Variants in ALK observed in about 807,000 individuals in gnomAD.
ALK encodes the protein ALK receptor tyrosine kinase.
Under a neutral mutation model 163.1 loss-of-function variants are expected in ALK, and 74 were observed. The observed-to-expected ratio is 0.45, with a 90% CI of 0.38 to 0.55. The LOEUF (loss-of-function observed/expected upper bound fraction) is 0.55. ALK is among the 20% of genes least tolerant of loss of function. The pLI, the probability that ALK is intolerant of heterozygous loss-of-function variation, is 0.00. For missense variants in ALK, 2,063 were observed against 2,105.3 expected (o/e 0.98, Z 0.39); for synonymous variants, 960 against 843.2 (o/e 1.14, Z -2.40).
At position 29,312,721 on chromosome 2, in the gene ALK, C is replaced by A. The variant is rs368548781; in HGVS notation, c.1647+5583G>T. Reference sequence around the variant, plus strand: ...ATCATATGCTAGCTTGGGGTCCTGACCGTGGTCTCCAATGCAGGAAGAGGC... The same window carrying A: ...ATCATATGCTAGCTTGGGGTCCTGAACGTGGTCTCCAATGCAGGAAGAGGC... On this transcript the variant is annotated intron_variant, in intron 8 of 28. Transcript: ENST00000389048. Among the ~76,000 whole-genome samples, 4 of 152,284 alleles carry A rather than the reference C, an allele frequency of 2.6e-5. No homozygotes were observed. The East Asian group carries it at 7.7e-4, about 29-fold the overall frequency.
chr2:29,391,267 T>C (rs1180453651), intron 4 of ALK, among the ~76,000 whole-genome samples: 1 of 138,666 alleles, frequency 7.2e-6, no homozygotes, highest in Non-Finnish European at 1.5e-5. Context: ...AAAGACAACA[T>C]AAATGGTCCT....
At chr2:29,242,737 A>T (rs1022378014) in intron 12 of ALK, among the ~76,000 whole-genome samples, 1 of 152,216 alleles carries the variant, frequency 6.6e-6, no homozygotes, top group African/African-American at 2.4e-5. Flanking sequence ...CCCTGCTCTC[A>T]TGGGCATACA....
chr2:29,216,958 T>TGGC (rs1359986556), intron 23 of ALK, among the ~76,000 whole-genome samples: 4 of 85,956 alleles, frequency 4.7e-5, no homozygotes, highest in Non-Finnish European at 9.0e-5. Flanking sequence ...ATGTGATGTG[T>TGGC]GTGTGGTGTG....
At chr2:29,288,851 C>T (rs1665930930) in intron 9 of ALK, among the ~76,000 whole-genome samples, 1 of 151,402 alleles carries the variant, frequency 6.6e-6, no homozygotes, top group South Asian at 2.1e-4. Flanking sequence ...ACTTGGGAGG[C>T]TGAGGCAGGA....
chr2:29,547,323 G>A (rs942680332), intron 3 of ALK, among the ~76,000 whole-genome samples: 1 of 152,198 alleles, frequency 6.6e-6, no homozygotes, highest in African/African-American at 2.4e-5. Context: ...GGGGCCAGGC[G>A]AGGTGGCTCA....
chr2:29,525,549 T>C (rs1448799265), intron 4 of ALK, among the ~76,000 whole-genome samples: 2 of 151,968 alleles, frequency 1.3e-5, no homozygotes, highest in African/African-American at 4.8e-5. Flanking sequence ...CCCAGCACTT[T>C]GGGAGGCTGA....
At chr2:29,690,578 C>T (rs530253353) in intron 3 of ALK, among the ~76,000 whole-genome samples, 1 of 152,178 alleles carries the variant, frequency 6.6e-6, no homozygotes, top group African/African-American at 2.4e-5. Flanking sequence ...TGGCCCCTGG[C>T]ACTTCTTAAA....
chr2:29,494,403 C>G (rs1380789932), intron 4 of ALK, among the ~76,000 whole-genome samples: 1 of 152,018 alleles, frequency 6.6e-6, no homozygotes, highest in Admixed American at 6.6e-5. Context: ...CTACAGAGAG[C>G]TTGGTGAATG....
chr2:29,744,407 A>G (rs1461541014), intron 1 of ALK, among the ~76,000 whole-genome samples: 1 of 152,162 alleles, frequency 6.6e-6, no homozygotes, highest in Non-Finnish European at 1.5e-5. Flanking sequence ...GCTTAAAACA[A>G]TGACAGCATT....
intron 3 of ALK, among the ~76,000 whole-genome samples, chr2:29,637,179 C>T (rs1454126050): frequency 6.6e-6 from 1 of 152,118 alleles, no homozygotes. Context: ...AAACTAGAAA[C>T]CAACATGTTC....
chr2:29,226,910 C>G lies in ALK; in HGVS notation c.3067+12G>C. The G allele has an allele frequency of 6.2e-7, 1 of 1,614,086 alleles. No individual in the cohort carries two copies. Among genetic ancestry groups the G allele is most frequent in the Non-Finnish European group, 8.5e-7 (1 of 1,180,040 alleles). On this transcript the variant is annotated intron_variant, in intron 18 of 28. Transcript: ENST00000389048. ...ATGGGCCCCTCTGCCTCCCCTGGCCCTGCCCCCTTACCAATGCAGGAGACG... is the reference window on the plus strand; with the variant it reads ...ATGGGCCCCTCTGCCTCCCCTGGCCGTGCCCCCTTACCAATGCAGGAGACG...
intron 1 of ALK, among the ~76,000 whole-genome samples, chr2:29,896,355 C>T (rs1667270847): frequency 6.6e-6 from 1 of 152,108 alleles, no homozygotes; most frequent in Non-Finnish European, 1.5e-5. Context: ...CGGGCTGAGT[C>T]ACGTTCATTC....
At chr2:29,312,969 A>T (rs1041384085) in intron 8 of ALK, among the ~76,000 whole-genome samples, 4 of 152,152 alleles carry the variant, frequency 2.6e-5, no homozygotes, top group Non-Finnish European at 5.9e-5. Context: ...GACCAAAGGG[A>T]CTTGGGCTTA....
At chr2:29,445,509 T>C (rs1670650714) in intron 4 of ALK, among the ~76,000 whole-genome samples, 2 of 152,220 alleles carry the variant, frequency 1.3e-5, no homozygotes, top group African/African-American at 2.4e-5. Flanking sequence ...GAAGAGGAGA[T>C]GCTGGATTAA....
chr2:29,775,499 T>A lies in ALK; in HGVS notation c.668-57802A>T, dbSNP rs145546829. 3.1e-4 allele frequency among the ~76,000 whole-genome samples: 47 copies of A among 151,708 alleles called. 1 individual carries two copies. Among genetic ancestry groups the A allele is most frequent in the African/African-American group, 1.0e-3 (43 of 41,264 alleles). ...GCTTTTCCTCATAGTCAGAAACCTG[T>A]TCCACCATGTAGGATCGGAGTGGAC... On this transcript the variant is annotated intron_variant, in intron 1 of 28. Transcript: ENST00000389048.
At chr2:29,401,816 C>T (rs555088999) in intron 4 of ALK, among the ~76,000 whole-genome samples, 9 of 151,954 alleles carry the variant, frequency 5.9e-5, no homozygotes, top group Non-Finnish European at 7.4e-5. Context: ...TCTAAGAGAG[C>T]GATTAAAAGG....
chr2:29,208,979 G>A (rs1033200309), intron 25 of ALK, among the ~76,000 whole-genome samples: 8 of 152,104 alleles, frequency 5.3e-5, no homozygotes, highest in Non-Finnish European at 1.2e-4. Flanking sequence ...ATAAGGCTGC[G>A]CTAAGTACTG....
At chr2:29,868,913 A>T (rs1666509412) in intron 1 of ALK, among the ~76,000 whole-genome samples, 1 of 152,134 alleles carries the variant, frequency 6.6e-6, no homozygotes, top group African/African-American at 2.4e-5. Flanking sequence ...TACTCTTGGA[A>T]TCCTGCCACC....
intron 3 of ALK, among the ~76,000 whole-genome samples, chr2:29,662,958 T>G (rs1573536840): frequency 6.6e-6 from 1 of 152,124 alleles, no homozygotes; most frequent in African/African-American, 2.4e-5. Flanking sequence ...GTCCAGTAGA[T>G]AGTAGGGACT....
Sources: allele counts gnomAD v4.1 joint callset (sites outside exome capture counted in the v4.1 genomes callset), GRCh38; gene constraint gnomAD v4.1.1; transcripts MANE v1.5; gene names NCBI Gene and HGNC (gene_info 2026-07-23, HGNC 2026-07-21).